Variants in UNC5D observed in about 807,000 individuals in gnomAD.
UNC5D encodes the protein netrin receptor UNC5D.
In UNC5D, 39 loss-of-function variants were observed where a neutral mutation model predicts 105.4. The observed-to-expected ratio is 0.37, with a 90% CI of 0.29 to 0.48. The LOEUF is 0.48. UNC5D is among the 20% of genes least tolerant of loss of function. UNC5D has a pLI of 0.98. For synonymous variants in UNC5D, 452 were observed against 450.4 expected, an observed-to-expected ratio of 1.00 and a Z score of -0.04; for missense variants, 991 against 1,202.4, an observed-to-expected ratio of 0.82 and a Z score of 2.60.
intron 1 of UNC5D, among the ~76,000 whole-genome samples, chr8:35,425,521 G>A (rs1002543592): frequency 2.0e-5 from 3 of 152,134 alleles, no homozygotes; most frequent in African/African-American, 7.2e-5. Flanking sequence ...TAGGATTATG[G>A]TAAGCCCTGC....
intron 1 of UNC5D, among the ~76,000 whole-genome samples, chr8:35,445,736 G>A (rs371102978): frequency 5.9e-5 from 9 of 152,048 alleles, no homozygotes; most frequent in African/African-American, 1.4e-4. Flanking sequence ...GAAACTCTTC[G>A]GGAGGAACCC....
intron 4 of UNC5D, among the ~76,000 whole-genome samples, chr8:35,631,731 T>C (rs932961946): frequency 6.6e-6 from 1 of 152,194 alleles, no homozygotes; most frequent in Non-Finnish European, 1.5e-5. Flanking sequence ...TCTTCACCCA[T>C]AATATAAGGA....
At chr8:35,271,577 C>T (rs1404949902) in intron 1 of UNC5D, among the ~76,000 whole-genome samples, 1 of 137,936 alleles carries the variant, frequency 7.2e-6, no homozygotes, top group East Asian at 2.1e-4. Flanking sequence ...TTTATACAGG[C>T]ATACATATAT....
At chr8:35,357,108 C>T (rs1801600234) in intron 1 of UNC5D, among the ~76,000 whole-genome samples, 2 of 152,144 alleles carry the variant, frequency 1.3e-5, no homozygotes, top group Admixed American at 6.6e-5. Flanking sequence ...TGTTCATCTA[C>T]AGTCTCTTAA....
At chr8:35,343,453 C>T (rs1811596477) in intron 1 of UNC5D, among the ~76,000 whole-genome samples, 1 of 152,032 alleles carries the variant, frequency 6.6e-6, no homozygotes, top group African/African-American at 2.4e-5. Context: ...TTGTATGATA[C>T]ACAGTCCTCT....
intron 4 of UNC5D, among the ~76,000 whole-genome samples, chr8:35,627,488 GTCT>G (rs971782812): frequency 1.4e-4 from 22 of 152,180 alleles, no homozygotes; most frequent in African/African-American, 5.1e-4. Flanking sequence ...TAGTATGTTG[GTCT>G]TCTTCTGTCT....
At chr8:35,745,744 T>C (rs1317991839) in intron 11 of UNC5D, among the ~76,000 whole-genome samples, 3 of 152,234 alleles carry the variant, frequency 2.0e-5, no homozygotes, top group Non-Finnish European at 4.4e-5. Flanking sequence ...AAAAGTTCTA[T>C]GCAAAAAGGT....
At chr8:35,618,813 A>G (rs777388650) in intron 4 of UNC5D, among the ~76,000 whole-genome samples, 3 of 152,134 alleles carry the variant, frequency 2.0e-5, no homozygotes, top group Non-Finnish European at 2.9e-5. Context: ...ACACTTTGTT[A>G]ATTACTGCGT....
chr8:35,442,606 A>C (rs1284590134), intron 1 of UNC5D, among the ~76,000 whole-genome samples: 1 of 151,938 alleles, frequency 6.6e-6, no homozygotes, highest in African/African-American at 2.4e-5. Flanking sequence ...TTGATAGAAT[A>C]GTTTGTTTAG....
At chr8:35,396,088 A>T (rs1449196744) in intron 1 of UNC5D, among the ~76,000 whole-genome samples, 1 of 152,160 alleles carries the variant, frequency 6.6e-6, no homozygotes. Context: ...TAGCCCCTCA[A>T]GGCATAACCC....
At chr8:35,730,847 T>C (rs546739314) in intron 10 of UNC5D, among the ~76,000 whole-genome samples, 165 bp from the exon 11 acceptor site, 1 of 152,258 alleles carries the variant, frequency 6.6e-6, no homozygotes, top group Admixed American at 6.5e-5. Context: ...TAAAACAATG[T>C]TTTTCCTGTT....
At chr8:35,549,212 C>A (rs1815920663) in intron 1 of UNC5D, 80 bp from the exon 2 acceptor site, 1 of 1,294,910 alleles carries the variant, frequency 7.7e-7, no homozygotes, top group Admixed American at 1.9e-5. Flanking sequence ...AATCTTAGAG[C>A]TGGTGCAGGT....
rs543232445 is a variant in UNC5D at position 35,451,636 on chromosome 8, G to A, written c.104-97656G>A. Among the ~76,000 whole-genome samples the A allele has an allele frequency of 1.1e-4, 16 of 152,250 alleles. 1 individual carries two copies. Among genetic ancestry groups the A allele is most frequent in the African/African-American group, 3.9e-4 (16 of 41,550 alleles). On this transcript the variant is annotated intron_variant, in intron 1 of 16. Transcript: ENST00000404895. ...CCTTTATATTCTTAAACAATATGCT[G>A]TGTTTATCTCTTGTTCTTCTATATT...
intron 1 of UNC5D, among the ~76,000 whole-genome samples, chr8:35,507,517 T>G (rs1812410313): frequency 6.6e-6 from 1 of 151,820 alleles, no homozygotes; most frequent in Non-Finnish European, 1.5e-5. Flanking sequence ...ATAGAGAAAT[T>G]TTCGTGGGTC....
At chr8:35,402,424 C>T (rs959567668) in intron 1 of UNC5D, among the ~76,000 whole-genome samples, 4 of 151,932 alleles carry the variant, frequency 2.6e-5, no homozygotes, top group African/African-American at 4.8e-5. Flanking sequence ...TTACCACCAC[C>T]GGAACAGTAT....
chr8:35,547,413 C>T lies in UNC5D; in HGVS notation c.104-1879C>T, dbSNP rs980342398. ...TTCCAGGTTCAAGCAATTCTCCTGCCTCAGCCTCTCAAGTCGCTGAGATTA... is the reference window on the plus strand; with the variant it reads ...TTCCAGGTTCAAGCAATTCTCCTGCTTCAGCCTCTCAAGTCGCTGAGATTA... On this transcript the variant is annotated intron_variant, in intron 1 of 16. Transcript: ENST00000404895. Among the ~76,000 whole-genome samples the T allele has an allele frequency of 5.3e-5, 8 of 151,998 alleles. No homozygotes were observed. The East Asian group carries it at 1.2e-3, about 22-fold the overall frequency.
rs1179907002 is a variant in UNC5D at position 35,527,080 on chromosome 8, A to G, written c.104-22212A>G. Reference sequence around the variant, plus strand: ...TGACACGTATCGCTTGTACTCTGATACATCAAATGGTAAAAACTGTAGGCA... The same window carrying G: ...TGACACGTATCGCTTGTACTCTGATGCATCAAATGGTAAAAACTGTAGGCA... On this transcript the variant is annotated intron_variant, in intron 1 of 16. Transcript: ENST00000404895. Among the ~76,000 whole-genome samples the G allele has an allele frequency of 8.5e-5, 13 of 152,182 alleles. No homozygotes were observed. The East Asian group carries it at 2.5e-3, about 29-fold the overall frequency.
chr8:35,515,545 T>C (rs1273918300), intron 1 of UNC5D, among the ~76,000 whole-genome samples: 3 of 151,950 alleles, frequency 2.0e-5, no homozygotes, highest in African/African-American at 7.3e-5. Context: ...ATTAGCTGGA[T>C]GTGGTGGTGT....
At chr8:35,579,964 G>A (rs1387533701) in intron 3 of UNC5D, among the ~76,000 whole-genome samples, 1 of 152,160 alleles carries the variant, frequency 6.6e-6, no homozygotes, top group Non-Finnish European at 1.5e-5. Flanking sequence ...AGCATAGGTT[G>A]AAGAGGAAGG....
Sources: gnomAD v4.1 joint callset for allele counts (sites outside exome capture counted in the v4.1 genomes callset) on GRCh38, gnomAD v4.1.1 for gene constraint, MANE v1.5 for transcripts, NCBI Gene and HGNC (gene_info 2026-07-23, HGNC 2026-07-21) for gene names.